ACSF3: variants seen among roughly 807,000 people sequenced by gnomAD.
The protein encoded by ACSF3 is acyl-CoA synthetase family member 3.
Under a neutral mutation model 53.2 loss-of-function variants are expected in ACSF3, and 78 were observed. That is an observed-to-expected ratio of 1.47 (90% CI 1.22 to 1.77). The LOEUF (loss-of-function observed/expected upper bound fraction) is 1.77. Ranked by LOEUF, ACSF3 falls within the 40% of genes most tolerant of loss-of-function variation. The probability of loss-of-function intolerance (pLI) is 0.00; values close to 1 mark genes in which losing one functional copy is unlikely to be tolerated. For synonymous variants in ACSF3, 414 were observed against 333.1 expected, an observed-to-expected ratio of 1.24 and a Z score of -2.65; for missense variants, 937 against 771.1, an observed-to-expected ratio of 1.22 and a Z score of -2.55.
At chr16:89,096,125 T>G (rs1974587724) in intron 1 of ACSF3, among the ~76,000 whole-genome samples, 1 of 152,136 alleles carries the variant, frequency 6.6e-6, no homozygotes, top group African/African-American at 2.4e-5. Flanking sequence ...AAGGAGGCTG[T>G]CCTGGCTCAG....
intron 6 of ACSF3, chr16:89,115,098 C>T (rs921209711): frequency 1.4e-5 from 3 of 214,822 alleles, no homozygotes; most frequent in African/African-American, 6.9e-5. Flanking sequence ...GGGGGGCCAC[C>T]CTGCTGCTTT....
At position 89,154,545 on chromosome 16, in the gene ACSF3, C is replaced by A; in HGVS notation, c.*338C>A. On this transcript the variant is annotated 3_prime_UTR_variant, in exon 11 of 11. Transcript: ENST00000614302. ...TTGCCAGGCTCTCCAGGGCAGGTCC[C>A]AGAGGTTTCCCACAAAAAACAAAGA... The A allele has an allele frequency of 2.2e-6, 1 of 461,168 alleles. No homozygotes were observed. The highest frequency in any genetic ancestry group is 4.1e-6 in the Non-Finnish European group (1 of 245,814). The allele number at this position is 461,168 out of a possible 1,614,324, so 28.6% of individuals were successfully genotyped here.
intron 8 of ACSF3, among the ~76,000 whole-genome samples, chr16:89,134,555 C>T (rs1450667056): frequency 2.0e-5 from 3 of 152,144 alleles, no homozygotes; most frequent in Non-Finnish European, 2.9e-5. Context: ...GTAACTACCA[C>T]GGACCAGAAG....
intron 4 of ACSF3, among the ~76,000 whole-genome samples, chr16:89,107,848 G>GC (rs1042812397): frequency 3.2e-4 from 48 of 152,140 alleles, no homozygotes; most frequent in African/African-American, 1.1e-3. Context: ...TGTTTCATAC[G>GC]CCCCCAGCCC....
At chr16:89,126,951 C>T (rs945960033) in intron 7 of ACSF3, among the ~76,000 whole-genome samples, 3 of 152,134 alleles carry the variant, frequency 2.0e-5, no homozygotes, top group Non-Finnish European at 2.9e-5. Context: ...GACTTTTTAT[C>T]ACTAAATGTA....
rs1426209275 is a variant in ACSF3 at position 89,100,788 on chromosome 16, C to T, written c.107C>T (p.Pro36Leu). 1 of 1,611,750 alleles carries T rather than the reference C, an allele frequency of 6.2e-7. No homozygotes were observed. The highest frequency in any genetic ancestry group is 1.1e-5 in the South Asian group (1 of 91,076). Residue 36 changes from proline (P) to leucine (L), a missense_variant, in exon 3 of 11, where the codon CCA (proline) becomes CTA (leucine). Pro to Leu is a moderately conservative substitution (Grantham distance 98). Coordinates refer to ENST00000614302, the MANE Select transcript of ACSF3 (RefSeq NM_001243279.3). ...HRGSGLLHTAPVARSDRSAPV... is the reference protein window; with the variant it reads ...HRGSGLLHTALVARSDRSAPV... ...GGAAGTGGTCTTCTGCACACAGCCC[C>T]AGTGGCCCGCTCGGACAGGAGCGCC...
In ACSF3 at chr16:89,101,124, C is replaced by G; in HGVS notation, c.443C>G (p.Ala148Gly). The G allele has an allele frequency of 6.2e-7, 1 of 1,614,054 alleles. No homozygotes were observed. Among genetic ancestry groups the G allele is most frequent in the Admixed American group, 1.7e-5 (1 of 60,026 alleles). ...GACTCCCAGAGCTCTGTGGTCCTTG[C>G]CAGCCAGGAGTACCTGGAGCTCCTG... ...ICDSQSSVVLASQEYLELLSP... is the reference protein window; with the variant it reads ...ICDSQSSVVLGSQEYLELLSP... The change falls in exon 3 of 11, where the codon GCC becomes GGC. Residue 148 changes from alanine to glycine, a missense_variant. Ala to Gly is a moderately conservative substitution (Grantham distance 60). Transcript: ENST00000614302.
rs768799062 is a variant in ACSF3 at position 89,102,666 on chromosome 16, G to T, written c.729G>T (p.Pro243=). 15 of 1,613,688 alleles carry T rather than the reference G, an allele frequency of 9.3e-6. No individual in the cohort carries two copies. The highest frequency in any genetic ancestry group is 8.8e-5 in the South Asian group (8 of 91,086). Reference sequence around the variant, plus strand: ...ACGACGTGATCCTCCACGTGCTCCCGCTGCACCACGTCCATGGTGTGGTCA... The same window carrying T: ...ACGACGTGATCCTCCACGTGCTCCCTCTGCACCACGTCCATGGTGTGGTCA... ...TKDDVILHVL[P]LHHVHGVVNA... Residue 243 remains proline (P), a synonymous_variant, in exon 4 of 11, where the codon CCG becomes CCT. Coordinates refer to ENST00000614302, the MANE Select transcript of ACSF3 (RefSeq NM_001243279.3).
At chr16:89,119,015 C>A (rs1429945019) in intron 6 of ACSF3, among the ~76,000 whole-genome samples, 2 of 151,804 alleles carry the variant, frequency 1.3e-5, no homozygotes, top group African/African-American at 4.8e-5. Flanking sequence ...CTCGAGCTCT[C>A]ACGGGTGGCA....
intron 8 of ACSF3, among the ~76,000 whole-genome samples, chr16:89,142,007 A>G (rs1367424211): frequency 6.6e-6 from 1 of 152,058 alleles, no homozygotes; most frequent in Non-Finnish European, 1.5e-5. Context: ...CCTTTTTCCG[A>G]CAGGTATAGC....
rs376614188 is a variant in ACSF3 at position 89,104,895 on chromosome 16, A to C, written c.822+2136A>C. The stretch of plus-strand genomic sequence containing the variant: ...TGAGCCTGTTTCTTCACAGATGATA[A>C]CATTGGGCTTTAGAGAAAGACCTCT... On this transcript the variant is annotated intron_variant, in intron 4 of 10. Transcript: ENST00000614302. Among the ~76,000 whole-genome samples, 32 of 152,364 alleles carry C rather than the reference A, an allele frequency of 2.1e-4. No homozygotes were observed. The East Asian group carries it at 3.5e-3, about 17-fold the overall frequency.
At chr16:89,101,406 C>G (rs1975324923) in intron 3 of ACSF3, 59 bp downstream of exon 3, 1 of 1,548,304 alleles carries the variant, frequency 6.5e-7, no homozygotes, top group East Asian at 2.4e-5. Context: ...CGGGTGGGCT[C>G]CGGGCCAGAA....
At chr16:89,137,803 T>G (rs992653655) in intron 8 of ACSF3, among the ~76,000 whole-genome samples, 1 of 152,080 alleles carries the variant, frequency 6.6e-6, no homozygotes, top group Non-Finnish European at 1.5e-5. Context: ...TCCCCCAAGG[T>G]TGAACATCAG....
intron 7 of ACSF3, chr16:89,122,569 T>C: frequency 3.5e-6 from 1 of 286,424 alleles, no homozygotes; most frequent in South Asian, 2.9e-5. Flanking sequence ...TCCAACCCTG[T>C]CTGCAGGGAC....
intron 6 of ACSF3, 85 bp downstream of exon 6, chr16:89,114,572 G>A (rs1304310539): frequency 3.2e-5 from 50 of 1,581,346 alleles, no homozygotes; most frequent in Non-Finnish European, 4.1e-5. Context: ...ACCCACATTC[G>A]GACTGAAGGG....
intron 3 of ACSF3, chr16:89,102,394 C>T: frequency 4.7e-6 from 3 of 638,766 alleles, no homozygotes; most frequent in South Asian, 3.5e-5. Flanking sequence ...TGTCCTCTGT[C>T]CCCAGGGTAA....
intron 4 of ACSF3, among the ~76,000 whole-genome samples, chr16:89,103,477 G>T (rs554212981): frequency 1.3e-5 from 2 of 152,212 alleles, no homozygotes. Context: ...GCAGGCACAC[G>T]GCCTTCTCTC....
chr16:89,102,954 G>A (rs1311477736), intron 4 of ACSF3, among the ~76,000 whole-genome samples, 195 bp downstream of exon 4: 5 of 152,230 alleles, frequency 3.3e-5, no homozygotes, highest in African/African-American at 4.8e-5. Context: ...TGCCAATGCC[G>A]AGACCCTGGG....
chr16:89,116,187 C>T (rs905956445), intron 6 of ACSF3, among the ~76,000 whole-genome samples: 3 of 152,188 alleles, frequency 2.0e-5, no homozygotes, highest in African/African-American at 4.8e-5. Context: ...TAGCACTGTT[C>T]GTTGAAAAGA....
Sources: allele counts gnomAD v4.1 joint callset (sites outside exome capture counted in the v4.1 genomes callset), GRCh38; gene constraint gnomAD v4.1.1; transcripts MANE v1.5; gene names NCBI Gene and HGNC (gene_info 2026-07-23, HGNC 2026-07-21).